Variants in MBNL2 observed in about 807,000 individuals in gnomAD.
MBNL2 encodes muscleblind-like protein 2.
Under a neutral mutation model 41.9 loss-of-function variants are expected in MBNL2, and 17 were observed. The ratio of observed to expected loss-of-function variants is 0.41; its 90% CI spans 0.28 to 0.61. The LOEUF (loss-of-function observed/expected upper bound fraction) is 0.61, where lower values mean the gene tolerates loss of function less well. Among genes scored for constraint, MBNL2 ranks in the 20% least tolerant of loss-of-function variants. MBNL2 has a pLI of 0.35. For missense variants in MBNL2, 336 were observed against 505.6 expected (o/e 0.66, Z 3.22); for synonymous variants, 195 against 182.9 (o/e 1.07, Z -0.53).
intron 2 of MBNL2, among the ~76,000 whole-genome samples, chr13:97,286,126 C>A (rs1298077007): frequency 6.6e-6 from 1 of 152,236 alleles, no homozygotes; most frequent in Non-Finnish European, 1.5e-5. Context: ...CCTGATTTCT[C>A]TCCTTAACTC....
intron 2 of MBNL2, among the ~76,000 whole-genome samples, chr13:97,310,531 G>A (rs1274074164): frequency 2.0e-5 from 3 of 151,442 alleles, no homozygotes; most frequent in Admixed American, 2.0e-4. Flanking sequence ...CCAGGTTCAC[G>A]CCATTCTCCT....
intron 2 of MBNL2, among the ~76,000 whole-genome samples, chr13:97,290,773 T>TGGA (rs955041507): frequency 4.6e-5 from 7 of 151,252 alleles, no homozygotes; most frequent in African/African-American, 1.5e-4. Flanking sequence ...AGAAAGGAAA[T>TGGA]GGAGCAAGGT....
the MBNL2 span, among the ~76,000 whole-genome samples, chr13:97,192,087 A>G: frequency 1.3e-5 from 2 of 152,182 alleles, no homozygotes; most frequent in Non-Finnish European, 1.5e-5. Flanking sequence ...TTACTGTGGC[A>G]GCTTGGTTGG....
At chr13:97,199,279 GA>G in the MBNL2 span, among the ~76,000 whole-genome samples, 1 of 152,060 alleles carries the variant, frequency 6.6e-6, no homozygotes, top group Admixed American at 6.5e-5. Flanking sequence ...CCACCCTTTT[GA>G]AAAGGGCAGC....
At chr13:97,170,133 GA>G in the MBNL2 span, among the ~76,000 whole-genome samples, 1 of 152,112 alleles carries the variant, frequency 6.6e-6, no homozygotes, top group South Asian at 2.1e-4. Flanking sequence ...TTTGTGACTA[GA>G]ATGTCAATTT....
At chr13:97,333,852 G>A (rs1276417767) in intron 2 of MBNL2, among the ~76,000 whole-genome samples, 2 of 151,882 alleles carry the variant, frequency 1.3e-5, no homozygotes, top group Non-Finnish European at 2.9e-5. Context: ...CTGTGTAGGG[G>A]AAGGACCTTT....
chr13:97,211,176 A>T, the MBNL2 span, among the ~76,000 whole-genome samples: 2 of 152,300 alleles, frequency 1.3e-5, no homozygotes, highest in Admixed American at 1.3e-4. Flanking sequence ...TCATCTTCAA[A>T]TAAGAAGCTA....
chr13:97,375,868 T>C (rs898870225), intron 8 of MBNL2, among the ~76,000 whole-genome samples: 9 of 152,208 alleles, frequency 5.9e-5, no homozygotes, highest in Admixed American at 1.3e-4. Context: ...GAGGGGACAC[T>C]GTGGCTTATG....
At chr13:97,236,936 T>C (rs2043388763) in intron 1 of MBNL2, among the ~76,000 whole-genome samples, 1 of 152,248 alleles carries the variant, frequency 6.6e-6, no homozygotes, top group Non-Finnish European at 1.5e-5. Flanking sequence ...ACTTTTTTTT[T>C]TCTATTTGGC....
Position 97,327,560 on chromosome 13 carries a change from TAAAAAAA to T in MBNL2, c.175-6699_175-6693del, listed in dbSNP as rs71922683. ...GGCACAGACTATTATACGTTATTTG[TAAAAAAA>T]AAAAAAAAAAAAAAAAGTTCATATA... On this transcript the variant is annotated intron_variant, in intron 2 of 8. Transcript: ENST00000679496. Among the ~76,000 whole-genome samples, 6 of 90,744 alleles carry T rather than the reference TAAAAAAA, an allele frequency of 6.6e-5. No individual in the cohort carries two copies. The East Asian group carries it at 1.0e-3, about 15-fold the overall frequency. 59.5% of individuals were successfully genotyped at this position (90,744 alleles called of 152,430 possible).
At chr13:97,190,524 A>G in the MBNL2 span, among the ~76,000 whole-genome samples, 7 of 152,254 alleles carry the variant, frequency 4.6e-5, no homozygotes, top group Non-Finnish European at 1.0e-4. Flanking sequence ...TATTTACTCT[A>G]AAACAAAAGT....
chr13:97,161,937 A>T, the MBNL2 span, among the ~76,000 whole-genome samples: 1 of 152,202 alleles, frequency 6.6e-6, no homozygotes, highest in Non-Finnish European at 1.5e-5. Context: ...TTGCATTGTT[A>T]TAAGGAAATA....
chr13:97,329,718 A>G (rs369813061), intron 2 of MBNL2, among the ~76,000 whole-genome samples: 1 of 352 alleles, frequency 2.8e-3, no homozygotes, highest in African/African-American at 0.021. Flanking sequence ...CACACATACA[A>G]CATACACAAC....
chr13:97,363,550 G>A (rs886155295), intron 7 of MBNL2, among the ~76,000 whole-genome samples: 43 of 151,878 alleles, frequency 2.8e-4, no homozygotes, highest in Non-Finnish European at 3.7e-4. Flanking sequence ...ACAGTGAGAT[G>A]AGGACAGGAG....
At chr13:97,295,095 C>T (rs983373235) in intron 2 of MBNL2, among the ~76,000 whole-genome samples, 2 of 152,066 alleles carry the variant, frequency 1.3e-5, no homozygotes, top group Admixed American at 6.6e-5. Context: ...AAGAAAGATT[C>T]GGAGAAGACA....
In MBNL2 at chr13:97,276,304, A is replaced by G. The variant is rs1302125147; in HGVS notation, c.69A>G (p.Gln23=). The change falls in exon 2 of 9, where the codon CAA becomes CAG. Residue 23 remains glutamine, a synonymous_variant. Coordinates refer to ENST00000679496, the MANE Select transcript of MBNL2 (RefSeq NM_001382683.1). ...WLTLEVCRQF[Q]RGTCSRSDEE... Reference sequence around the variant, plus strand: ...CATTAGAAGTCTGCAGACAGTTTCAAAGAGGAACATGCTCACGCTCTGATG... The same window carrying G: ...CATTAGAAGTCTGCAGACAGTTTCAGAGAGGAACATGCTCACGCTCTGATG... 2.5e-6 allele frequency: 4 copies of G among 1,613,920 alleles called. No individual in the cohort carries two copies. The highest frequency in any genetic ancestry group is 2.5e-6 in the Non-Finnish European group (3 of 1,179,878).
intron 2 of MBNL2, among the ~76,000 whole-genome samples, chr13:97,280,465 T>C (rs2152939862): frequency 6.6e-6 from 1 of 152,364 alleles, no homozygotes; most frequent in Non-Finnish European, 1.5e-5. Flanking sequence ...GAAAATTGTT[T>C]AGACAATTTT....
the MBNL2 span, among the ~76,000 whole-genome samples, chr13:97,174,498 G>A: frequency 6.6e-6 from 1 of 152,244 alleles, no homozygotes; most frequent in Non-Finnish European, 1.5e-5. Flanking sequence ...AAAAGAGGAT[G>A]GATAAGTGGT....
At chr13:97,149,410 G>C in the MBNL2 span, among the ~76,000 whole-genome samples, 3 of 152,040 alleles carry the variant, frequency 2.0e-5, no homozygotes, top group Non-Finnish European at 2.9e-5. Flanking sequence ...GCTTGCTAGA[G>C]AGCAGCCCCA....
Sources: gnomAD v4.1 joint callset for allele counts (sites outside exome capture counted in the v4.1 genomes callset) on GRCh38, gnomAD v4.1.1 for gene constraint, MANE v1.5 for transcripts, NCBI Gene and HGNC (gene_info 2026-07-23, HGNC 2026-07-21) for gene names.